TAFA5: variants seen among roughly 807,000 people sequenced by gnomAD.
The protein encoded by TAFA5 is TAFA chemokine like family member 5, also known as chemokine-like protein TAFA-5.
TAFA5 carries 6 observed loss-of-function variants against 15.3 expected under a neutral mutation model. The ratio of observed to expected loss-of-function variants is 0.39; its 90% CI spans 0.21 to 0.77. TAFA5 has a LOEUF of 0.77. TAFA5 is among the 30% of genes least tolerant of loss of function. TAFA5 has a pLI of 0.41. For synonymous variants in TAFA5, 103 were observed against 80.7 expected (o/e 1.28, Z -1.48); for missense variants, 161 against 193.1 (o/e 0.83, Z 0.98).
At chr22:48,585,764 G>T (rs555839231) in intron 1 of TAFA5, among the ~76,000 whole-genome samples, 35 of 150,318 alleles carry the variant, frequency 2.3e-4, no homozygotes, top group African/African-American at 7.4e-4. Context: ...TACCAAATAC[G>T]CATACCACAC....
At chr22:48,604,493 T>C (rs35442931) in intron 1 of TAFA5, among the ~76,000 whole-genome samples, 19,470 of 152,266 alleles carry the variant, frequency 0.13, 1,356 homozygotes, top group African/African-American at 0.17. Flanking sequence ...TGGGCTGGCA[T>C]CCACTGGATT....
At chr22:48,718,559 A>T (rs932365948) in intron 3 of TAFA5, among the ~76,000 whole-genome samples, 1 of 151,992 alleles carries the variant, frequency 6.6e-6, no homozygotes, top group African/African-American at 2.4e-5. Flanking sequence ...CCTGCGGTTC[A>T]TCTCCCAGAG....
rs539202206 is a variant in TAFA5, at chr22:48,541,821, C to G, written c.112+52117C>G. On this transcript the variant is annotated intron_variant, in intron 1 of 3. Transcript: ENST00000402357. Reference sequence around the variant, plus strand: ...GCTCCGGGTCTTGAGTGCCACCACCCGTGCCCTGGGAAGGCCCCAGCAGTG... The same window carrying G: ...GCTCCGGGTCTTGAGTGCCACCACCGGTGCCCTGGGAAGGCCCCAGCAGTG... Among the ~76,000 whole-genome samples the G allele has an allele frequency of 2.0e-3, 304 of 152,318 alleles. 1 individual carries two copies. Among genetic ancestry groups the G allele is most frequent in the African/African-American group, 6.9e-3 (287 of 41,564 alleles).
At chr22:48,582,152 C>T (rs183140534) in intron 1 of TAFA5, among the ~76,000 whole-genome samples, 184 of 152,170 alleles carry the variant, frequency 1.2e-3, no homozygotes, top group African/African-American at 4.1e-3. Flanking sequence ...GAGCCCACCT[C>T]TCCCAGAGAC....
chr22:48,511,302 G>A (rs1193984252), intron 1 of TAFA5, among the ~76,000 whole-genome samples: 4 of 152,190 alleles, frequency 2.6e-5, no homozygotes, highest in African/African-American at 7.2e-5. Context: ...TCTCGGGCTG[G>A]CCTCTTTTGT....
rs1473783194 is a variant in TAFA5 at position 48,560,883 on chromosome 22, T to C, written c.112+71179T>C. Among the ~76,000 whole-genome samples the C allele has an allele frequency of 6.6e-6, 1 of 152,186 alleles. No individual in the cohort carries two copies. The highest frequency in any genetic ancestry group is 1.5e-5 in the Non-Finnish European group (1 of 68,030). ...CCTCGGCCTCCCAAAGTTCTGGGAT[T>C]ACAGGTGTGAGCCACCACGCCTGGC... On this transcript the variant is annotated intron_variant, in intron 1 of 3. Coordinates refer to ENST00000402357, the MANE Select transcript of TAFA5 (RefSeq NM_001082967.3). This position sits in a 1 kb window ranked among gnomAD's most constrained non-coding sequence, Gnocchi z 4.2.
chr22:48,627,312 G>A (rs1040057064), intron 1 of TAFA5, among the ~76,000 whole-genome samples: 16 of 152,234 alleles, frequency 1.1e-4, no homozygotes, highest in Admixed American at 5.9e-4. Context: ...TGTTGTCTCC[G>A]TCACTGTCCC....
intron 3 of TAFA5, among the ~76,000 whole-genome samples, chr22:48,739,688 A>G (rs959790612): frequency 1.3e-5 from 2 of 152,102 alleles, no homozygotes; most frequent in African/African-American, 4.8e-5. Flanking sequence ...AATGACCAAT[A>G]AAGGATGAAG....
chr22:48,716,560 C>G (rs1929407235), intron 3 of TAFA5, among the ~76,000 whole-genome samples: 1 of 152,224 alleles, frequency 6.6e-6, no homozygotes. Flanking sequence ...GGACAAATAC[C>G]TAATGCATGT....
rs74759293 is a variant in TAFA5 at position 48,550,843 on chromosome 22, G to A, written c.112+61139G>A. ...TGCCTCCAGGATTCAGGCCTGAGTCGTGCCCGGGACCATGTGGATCCCTTT... is the reference window on the plus strand; with the variant it reads ...TGCCTCCAGGATTCAGGCCTGAGTCATGCCCGGGACCATGTGGATCCCTTT... On this transcript the variant is annotated intron_variant, in intron 1 of 3. Transcript: ENST00000402357. This position sits in a 1 kb window ranked among gnomAD's most constrained non-coding sequence, Gnocchi z 4.1. Among the ~76,000 whole-genome samples, 10 of 152,198 alleles carry A rather than the reference G, an allele frequency of 6.6e-5. No homozygotes were observed. In the East Asian group the frequency reaches 1.6e-3, roughly 24 times the overall value.
chr22:48,651,862 G>T (rs1161943821), intron 2 of TAFA5, among the ~76,000 whole-genome samples: 3 of 152,162 alleles, frequency 2.0e-5, no homozygotes, highest in Non-Finnish European at 4.4e-5. Context: ...ACAGGAGTCT[G>T]GAGATGGTCC....
At chr22:48,562,912 G>A (rs914726221) in intron 1 of TAFA5, among the ~76,000 whole-genome samples, 8 of 152,278 alleles carry the variant, frequency 5.3e-5, no homozygotes, top group Admixed American at 2.0e-4. Flanking sequence ...TCACAGCCCC[G>A]GGACCCCGGG....
chr22:48,622,235 A>G (rs1242270569), intron 1 of TAFA5, among the ~76,000 whole-genome samples: 1 of 152,022 alleles, frequency 6.6e-6, no homozygotes, highest in Non-Finnish European at 1.5e-5. Context: ...CTATCCCCAA[A>G]ATATTTATGT....
At chr22:48,546,681 TG>T (rs1457350610) in intron 1 of TAFA5, 14 of 451,188 alleles carry the variant, frequency 3.1e-5, no homozygotes, top group South Asian at 4.8e-5. Flanking sequence ...GTCCGCAGGA[TG>T]GGGGGCTCAC....
intron 2 of TAFA5, among the ~76,000 whole-genome samples, chr22:48,650,334 A>T (rs1028624172): frequency 1.3e-5 from 2 of 152,130 alleles, no homozygotes; most frequent in African/African-American, 4.8e-5. Context: ...TCACTCACTC[A>T]TCTGTTGAAA....
intron 2 of TAFA5, among the ~76,000 whole-genome samples, chr22:48,681,517 G>A (rs1039373097): frequency 6.6e-6 from 1 of 151,516 alleles, no homozygotes; most frequent in Non-Finnish European, 1.5e-5. Flanking sequence ...TAGGCGTGGG[G>A]GTAGGTGCCT....
At chr22:48,492,969 G>A (rs1310941139) in intron 1 of TAFA5, among the ~76,000 whole-genome samples, 2 of 152,192 alleles carry the variant, frequency 1.3e-5, no homozygotes, top group Admixed American at 6.5e-5. Context: ...CCTAGATGTG[G>A]AATGGGACCT....
intron 1 of TAFA5, among the ~76,000 whole-genome samples, chr22:48,609,838 G>A (rs1171401871): frequency 1.3e-5 from 2 of 152,182 alleles, no homozygotes; most frequent in Non-Finnish European, 2.9e-5. Context: ...GGCTCAGGCA[G>A]CCCTTGGCTT....
chr22:48,730,254 C>T (rs1451028768), intron 3 of TAFA5, among the ~76,000 whole-genome samples: 1 of 152,032 alleles, frequency 6.6e-6, no homozygotes, highest in African/African-American at 2.4e-5. Flanking sequence ...CATGGTGGCA[C>T]GTGCCTATAG....
Sources: allele counts gnomAD v4.1 joint callset (sites outside exome capture counted in the v4.1 genomes callset), GRCh38; gene constraint gnomAD v4.1.1; non-coding constraint Gnocchi (gnomAD v3.1); transcripts MANE v1.5; gene names NCBI Gene and HGNC (gene_info 2026-07-23, HGNC 2026-07-21).